MYT1L: variants seen among roughly 807,000 people sequenced by gnomAD.
MYT1L encodes myelin transcription factor 1-like protein.
MYT1L carries 12 observed loss-of-function variants against 126.7 expected under a neutral mutation model. That is an observed-to-expected ratio of 0.09 (90% CI 0.06 to 0.15). The LOEUF (loss-of-function observed/expected upper bound fraction) is 0.15. Among genes scored for constraint, MYT1L ranks in the 10% least tolerant of loss-of-function variants. MYT1L has a pLI of 1.00. For synonymous variants in MYT1L, 541 were observed against 604.2 expected, an observed-to-expected ratio of 0.90 and a Z score of 1.53; for missense variants, 979 against 1,585.2, an observed-to-expected ratio of 0.62 and a Z score of 6.49.
intron 4 of MYT1L, among the ~76,000 whole-genome samples, chr2:2,049,209 TTA>T (rs1274038912): frequency 6.6e-6 from 1 of 152,220 alleles, no homozygotes; most frequent in African/African-American, 2.4e-5. Context: ...GACTATAAAG[TTA>T]TATTAACGGC....
intron 3 of MYT1L, among the ~76,000 whole-genome samples, chr2:2,139,209 C>T (rs1274960351): frequency 6.6e-6 from 1 of 152,072 alleles, no homozygotes; most frequent in African/African-American, 2.4e-5. Context: ...TGCTGGAATG[C>T]CATCTACTAG....
At chr2:2,217,707 A>AACAAC (rs1491263665) in intron 2 of MYT1L, among the ~76,000 whole-genome samples, 2 of 101,866 alleles carry the variant, frequency 2.0e-5, no homozygotes, top group South Asian at 3.2e-4. Flanking sequence ...CAACAACAAC[A>AACAAC]AAAAAAAAAA....
At chr2:2,282,437 C>T (rs2095460855) in intron 2 of MYT1L, among the ~76,000 whole-genome samples, 1 of 152,102 alleles carries the variant, frequency 6.6e-6, no homozygotes. Context: ...TAATGGCAGA[C>T]CGTTCAAACA....
At chr2:2,158,086 G>A (rs1267945791) in intron 3 of MYT1L, among the ~76,000 whole-genome samples, 1 of 151,596 alleles carries the variant, frequency 6.6e-6, no homozygotes, top group Non-Finnish European at 1.5e-5. Flanking sequence ...TTCCATATGG[G>A]TTGAAGCCTC....
At chr2:1,940,469 C>T (rs1036137895) in intron 9 of MYT1L, among the ~76,000 whole-genome samples, 4 of 147,230 alleles carry the variant, frequency 2.7e-5, no homozygotes, top group Non-Finnish European at 6.0e-5. Context: ...GTGGCTGCAC[C>T]CTGCCAGGAT....
At chr2:1,841,974 T>A (rs552934755) in intron 19 of MYT1L, 1 of 152,206 alleles carries the variant, frequency 6.6e-6, no homozygotes, top group Admixed American at 6.5e-5. Context: ...AACAGAAACA[T>A]ACACACACAT....
At chr2:2,041,220 C>T (rs1214049058) in intron 4 of MYT1L, among the ~76,000 whole-genome samples, 1 of 152,152 alleles carries the variant, frequency 6.6e-6, no homozygotes. Context: ...AATTATATGG[C>T]ATAATTGTAC....
At chr2:2,276,228 G>T (rs2095355961) in intron 2 of MYT1L, among the ~76,000 whole-genome samples, 1 of 152,134 alleles carries the variant, frequency 6.6e-6, no homozygotes, top group Admixed American at 6.5e-5. Context: ...TCTGAAAGCT[G>T]GGTGTACACC....
In MYT1L at chr2:2,111,996, C is replaced by T. The variant is rs193078292; in HGVS notation, c.-303-57873G>A. Among the ~76,000 whole-genome samples the T allele has an allele frequency of 4.6e-5, 7 of 152,318 alleles. No individual in the cohort carries two copies. In the East Asian group the frequency reaches 5.8e-4, roughly 13 times the overall value. On this transcript the variant is annotated intron_variant, in intron 3 of 24. Coordinates refer to ENST00000647738, the MANE Select transcript of MYT1L (RefSeq NM_001303052.2). The stretch of plus-strand genomic sequence containing the variant: ...GCCTGTTCTATATTGTTCTTTGAAG[C>T]GTGCAAACTTGGGACCACTATTTTT...
At chr2:1,851,772 T>G (rs1159118021) in intron 18 of MYT1L, 69 bp from the exon 19 acceptor site, 10 of 1,480,496 alleles carry the variant, frequency 6.8e-6, no homozygotes, top group Non-Finnish European at 9.4e-6. Flanking sequence ...TAACTTTTTT[T>G]TAATCCAAAA....
intron 2 of MYT1L, among the ~76,000 whole-genome samples, chr2:2,217,027 G>T (rs2093696073): frequency 6.6e-6 from 1 of 152,178 alleles, no homozygotes; most frequent in African/African-American, 2.4e-5. Flanking sequence ...AATGCAAATT[G>T]TAGTTAACAA....
intron 1 of MYT1L, among the ~76,000 whole-genome samples, chr2:2,308,238 G>A (rs898317029): frequency 5.9e-5 from 8 of 136,232 alleles, no homozygotes; most frequent in Non-Finnish European, 9.6e-5. Context: ...CCTACGCTTC[G>A]GTATACTCTA....
At chr2:2,317,933 G>A (rs1467084712) in intron 1 of MYT1L, among the ~76,000 whole-genome samples, 1 of 152,106 alleles carries the variant, frequency 6.6e-6, no homozygotes, top group Non-Finnish European at 1.5e-5. Flanking sequence ...TTGTTATAAG[G>A]GCCCAAGCCA....
chr2:2,216,336 T>A (rs1343432346), intron 2 of MYT1L, among the ~76,000 whole-genome samples: 2 of 152,158 alleles, frequency 1.3e-5, no homozygotes, highest in Non-Finnish European at 2.9e-5. Context: ...TGGAGTTAGA[T>A]AAGAAGATAA....
At chr2:1,878,961 C>T (rs2047231879) in intron 18 of MYT1L, among the ~76,000 whole-genome samples, 1 of 152,082 alleles carries the variant, frequency 6.6e-6, no homozygotes, top group African/African-American at 2.4e-5. Flanking sequence ...AGAAACAAAC[C>T]TCTTTCTGTA....
At chr2:1,969,271 C>G (rs1273876697) in intron 8 of MYT1L, among the ~76,000 whole-genome samples, 1 of 152,176 alleles carries the variant, frequency 6.6e-6, no homozygotes, top group Non-Finnish European at 1.5e-5. Flanking sequence ...TTATGCGGAC[C>G]CCAGGTCTGT....
intron 3 of MYT1L, among the ~76,000 whole-genome samples, chr2:2,159,499 C>T (rs930821914): frequency 6.6e-6 from 1 of 151,730 alleles, no homozygotes; most frequent in African/African-American, 2.4e-5. Flanking sequence ...GCTTTCCTGC[C>T]CCATCCCCAG....
intron 2 of MYT1L, among the ~76,000 whole-genome samples, chr2:2,274,812 T>A (rs952009506): frequency 6.6e-6 from 1 of 151,932 alleles, no homozygotes; most frequent in African/African-American, 2.4e-5. Flanking sequence ...GGAGGAGAAG[T>A]GGTGATGAAG....
At chr2:2,153,127 G>C (rs1431371392) in intron 3 of MYT1L, among the ~76,000 whole-genome samples, 1 of 152,136 alleles carries the variant, frequency 6.6e-6, no homozygotes, top group Non-Finnish European at 1.5e-5. Context: ...GTGAGTCCCT[G>C]TCTGTACTAA....
Sources: gnomAD v4.1 joint callset for allele counts (sites outside exome capture counted in the v4.1 genomes callset) on GRCh38, gnomAD v4.1.1 for gene constraint, MANE v1.5 for transcripts, NCBI Gene and HGNC (gene_info 2026-07-23, HGNC 2026-07-21) for gene names.